DMRT1: variants seen among roughly 807,000 people sequenced by gnomAD.
DMRT1 encodes doublesex and mab-3 related transcription factor 1.
DMRT1 carries 7 observed loss-of-function variants against 32.3 expected under a neutral mutation model. That is an observed-to-expected ratio of 0.22 (90% CI 0.12 to 0.41). The LOEUF (loss-of-function observed/expected upper bound fraction) is 0.41, where lower values mean the gene tolerates loss of function less well. Among genes scored for constraint, DMRT1 ranks in the 10% least tolerant of loss-of-function variants. The pLI is 1.00. For missense variants in DMRT1, 625 were observed against 500.5 expected (o/e 1.25, Z -2.37); for synonymous variants, 278 against 206.1 (o/e 1.35, Z -2.99).
intron 3 of DMRT1, among the ~76,000 whole-genome samples, chr9:904,255 GC>G (rs1248657445): frequency 6.6e-6 from 1 of 152,134 alleles, no homozygotes; most frequent in African/African-American, 2.4e-5. Flanking sequence ...ATTTATGTTT[GC>G]CCTTTTAGCT....
Position 968,340 on chromosome 9 carries a change from G to A in DMRT1, c.*201G>A. 3.4e-6 allele frequency: 2 copies of A among 589,910 alleles called. No individual in the cohort carries two copies. Among genetic ancestry groups the A allele is most frequent in the South Asian group, 2.0e-5 (1 of 49,814 alleles). 36.5% of individuals were successfully genotyped at this position (589,910 alleles called of 1,614,324 possible). A position where few individuals can be genotyped will look rare whatever the true frequency, so the allele number is the denominator to read the frequency against. ...CGTGACTACCATCTGCATGGTTTAA[G>A]TGCTTTACTCACGGAGTTTAAATAA... On this transcript the variant is annotated 3_prime_UTR_variant, in exon 5 of 5. Coordinates refer to ENST00000382276, the MANE Select transcript of DMRT1 (RefSeq NM_021951.3).
intron 3 of DMRT1, among the ~76,000 whole-genome samples, chr9:899,766 CG>C (rs1817500512): frequency 6.6e-6 from 1 of 152,226 alleles, no homozygotes; most frequent in African/African-American, 2.4e-5. Flanking sequence ...GGGAGAGGTG[CG>C]TATCGAGTGA....
rs1838693058 is a variant in DMRT1, at chr9:841,844, C to T, written c.6C>T (p.Pro2=). The part of the protein sequence containing the change: M[P]NDEAFSKPST... ...GCACTTCTCCTAGGGGCACCATGCC[C>T]AACGACGAGGCATTCAGCAAGCCCT... The change falls in exon 1 of 5, where the codon CCC becomes CCT. Residue 2 remains proline (P), a synonymous_variant. Coordinates refer to ENST00000382276, the MANE Select transcript of DMRT1 (RefSeq NM_021951.3). 1 of 1,611,368 alleles carries T rather than the reference C, an allele frequency of 6.2e-7. No individual in the cohort carries two copies. Among genetic ancestry groups the T allele is most frequent in the Non-Finnish European group, 8.5e-7 (1 of 1,179,090 alleles).
chr9:852,398 C>CTTT (rs552700304), intron 2 of DMRT1, among the ~76,000 whole-genome samples: 1 of 138,362 alleles, frequency 7.2e-6, no homozygotes, highest in Non-Finnish European at 1.6e-5. Context: ...ATAAAATGTA[C>CTTT]TTTTTTTTTT....
Position 841,988 on chromosome 9 carries a change from C to T in DMRT1, c.150C>T (p.Ser50=). The change falls in exon 1 of 5, where the codon AGC becomes AGT. Residue 50 remains serine, a synonymous_variant. Coordinates refer to ENST00000382276, the MANE Select transcript of DMRT1 (RefSeq NM_021951.3). ...CCAGCGGCTCGAGCGCCGGGGGCAG[C>T]AGCAGAGGAGGCGGCTCCGGCTCCG... ...GAASGSSAGG[S]SRGGGSGSGA... 6.4e-7 allele frequency: 1 copy of T among 1,573,126 alleles called. No individual in the cohort carries two copies. The highest frequency in any genetic ancestry group is 8.6e-7 in the Non-Finnish European group (1 of 1,160,674).
chr9:948,248 C>T (rs1044356932), intron 4 of DMRT1, among the ~76,000 whole-genome samples: 1 of 152,136 alleles, frequency 6.6e-6, no homozygotes, highest in Non-Finnish European at 1.5e-5. Flanking sequence ...CTCCTCCCCT[C>T]TGTTGAAAGT....
At chr9:925,614 G>A (rs770000197) in intron 4 of DMRT1, among the ~76,000 whole-genome samples, 25 of 152,148 alleles carry the variant, frequency 1.6e-4, no homozygotes, top group Non-Finnish European at 2.9e-4. Flanking sequence ...TTTCCTGGGC[G>A]CTCTTTCTTC....
At chr9:874,002 C>T (rs911767598) in intron 2 of DMRT1, among the ~76,000 whole-genome samples, 1 of 152,162 alleles carries the variant, frequency 6.6e-6, no homozygotes, top group African/African-American at 2.4e-5. Context: ...ATTATTCCTA[C>T]AGAGTATGGT....
intron 4 of DMRT1, among the ~76,000 whole-genome samples, chr9:931,825 T>C (rs1818736559): frequency 6.6e-6 from 1 of 152,172 alleles, no homozygotes; most frequent in Non-Finnish European, 1.5e-5. Context: ...ACTTCAGTAG[T>C]TTTAGCACAG....
At chr9:844,341 G>A (rs1313902380) in intron 1 of DMRT1, among the ~76,000 whole-genome samples, 2 of 149,686 alleles carry the variant, frequency 1.3e-5, no homozygotes, top group African/African-American at 2.6e-5. Context: ...TTGTATAGTT[G>A]CATTTTTAAT....
chr9:923,427 C>T (rs543440695), intron 4 of DMRT1, among the ~76,000 whole-genome samples: 3 of 152,042 alleles, frequency 2.0e-5, no homozygotes, highest in Admixed American at 6.6e-5. Flanking sequence ...GCCTCGATTT[C>T]CTTACCTGCT....
At chr9:857,136 G>A (rs370414751) in intron 2 of DMRT1, among the ~76,000 whole-genome samples, 8 of 151,966 alleles carry the variant, frequency 5.3e-5, no homozygotes, top group Admixed American at 2.0e-4. Flanking sequence ...GTGAAACCCC[G>A]TCTCTACCAA....
intron 2 of DMRT1, among the ~76,000 whole-genome samples, chr9:870,360 C>T (rs10977236): frequency 0.3 from 44,974 of 151,858 alleles, 8,003 homozygotes; most frequent in Non-Finnish European, 0.4. Flanking sequence ...GATCATGCCG[C>T]TGCACTCCAG....
At chr9:854,739 C>G (rs181921613) in intron 2 of DMRT1, among the ~76,000 whole-genome samples, 65 of 145,550 alleles carry the variant, frequency 4.5e-4, no homozygotes, top group Non-Finnish European at 8.1e-4. Flanking sequence ...TCAAATTAAA[C>G]AAATTTTCAG....
chr9:861,125 T>G (rs1445602887), intron 2 of DMRT1, among the ~76,000 whole-genome samples: 2 of 148,388 alleles, frequency 1.3e-5, no homozygotes. Context: ...TTTGGCAGGG[T>G]CATAGGACAA....
rs1415370170 is a variant in DMRT1, at chr9:955,790, T to G, written c.968-12195T>G. Among the ~76,000 whole-genome samples the G allele has an allele frequency of 2.6e-5, 4 of 152,224 alleles. No individual in the cohort carries two copies. The East Asian group carries it at 7.7e-4, about 29-fold the overall frequency. On this transcript the variant is annotated intron_variant, in intron 4 of 4. Transcript: ENST00000382276. ...TAAAAAATAATCAGTGAACGGAAAA[T>G]AAGCGTTGCTGAGATGTGGGTAAGT...
At chr9:846,876 G>A (rs1564192891) in intron 1 of DMRT1, 84 bp from the exon 2 acceptor site, 29 of 1,512,786 alleles carry the variant, frequency 1.9e-5, no homozygotes, top group Non-Finnish European at 2.7e-5. Context: ...GTGAATCATG[G>A]TGTCTGGGAT....
chr9:925,977 C>T (rs990118692), intron 4 of DMRT1, among the ~76,000 whole-genome samples: 3 of 152,130 alleles, frequency 2.0e-5, no homozygotes, highest in Admixed American at 2.0e-4. Flanking sequence ...TGAGAGTGCA[C>T]TTGGGAATGT....
rs548471647 is a variant in DMRT1 at position 919,716 on chromosome 9, G to C, written c.967+2809G>C. 3.9e-4 allele frequency among the ~76,000 whole-genome samples: 59 copies of C among 152,282 alleles called. No individual in the cohort carries two copies. In the East Asian group the frequency reaches 0.01, roughly 26 times the overall value. Reference sequence around the variant, plus strand: ...GATGACTGTTTTCTTATAGACTATAGGGATGCAAGGGTGGAAGCTGGGAGA... The same window carrying C: ...GATGACTGTTTTCTTATAGACTATACGGATGCAAGGGTGGAAGCTGGGAGA... On this transcript the variant is annotated intron_variant, in intron 4 of 4. Transcript: ENST00000382276.
Sources: allele counts gnomAD v4.1 joint callset (sites outside exome capture counted in the v4.1 genomes callset), GRCh38; gene constraint gnomAD v4.1.1; transcripts MANE v1.5; gene names NCBI Gene and HGNC (gene_info 2026-07-23, HGNC 2026-07-21).